ZWILCH: variants seen among roughly 807,000 people sequenced by gnomAD.
ZWILCH encodes the protein zwilch kinetochore protein.
In ZWILCH, 74 loss-of-function variants were observed where a neutral mutation model predicts 79.9. That is an observed-to-expected ratio of 0.93 (90% CI 0.77 to 1.12). The LOEUF is 1.12. Among genes scored for constraint, ZWILCH ranks in the 50% most tolerant of loss-of-function variants. The pLI, the probability that ZWILCH is intolerant of heterozygous loss-of-function variation, is 0.00. For synonymous variants in ZWILCH, 241 were observed against 228.2 expected (o/e 1.06, Z -0.51); for missense variants, 694 against 687.5 (o/e 1.01, Z -0.11).
At position 66,547,726 on chromosome 15, in the gene ZWILCH, C is replaced by A. The variant is rs569479821; in HGVS notation, c.*27-625C>A. 5 of 152,242 alleles carry A rather than the reference C, an allele frequency of 3.3e-5. No homozygotes were observed. In the South Asian group the frequency reaches 1.0e-3, roughly 32 times the overall value. The allele number at this position is 152,242 out of a possible 1,614,324, so 9.4% of individuals were successfully genotyped here. On this transcript the variant is annotated intron_variant, in intron 18 of 18. Transcript: ENST00000307897. ...GTGCTCATTTACTTGGTACCCACTT[C>A]ATGCTTTTCTGTGGTTGGCTAATAA...
chr15:66,508,970 TG>T, intron 2 of ZWILCH, 78 bp downstream of exon 2: 5 of 1,503,600 alleles, frequency 3.3e-6, no homozygotes, highest in Non-Finnish European at 4.5e-6. Context: ...GACGGAGTCA[TG>T]CTCTGTTACC....
intron 7 of ZWILCH, 53 bp downstream of exon 7, chr15:66,521,258 C>A: frequency 6.3e-7 from 1 of 1,587,556 alleles, no homozygotes; most frequent in Non-Finnish European, 8.5e-7. Context: ...TAAATGTTGG[C>A]TTACTTGGTT....
intron 2 of ZWILCH, among the ~76,000 whole-genome samples, chr15:66,512,677 G>A (rs1038206833): frequency 1.3e-5 from 2 of 152,094 alleles, no homozygotes; most frequent in Non-Finnish European, 2.9e-5. Context: ...GCATGATATC[G>A]GCTCACTGCA....
chr15:66,514,728 T>C (rs1397561067), intron 3 of ZWILCH, among the ~76,000 whole-genome samples: 1 of 152,208 alleles, frequency 6.6e-6, no homozygotes, highest in African/African-American at 2.4e-5. Flanking sequence ...CTTGTTGTTA[T>C]TATTGGCAAG....
At position 66,520,636 on chromosome 15, in the gene ZWILCH, CAAGAA is replaced by C. The variant is rs1894457279; in HGVS notation, c.572_576del (p.Lys191ThrfsTer15). The C allele has an allele frequency of 6.4e-7, 1 of 1,554,394 alleles. No homozygotes were observed. The highest frequency in any genetic ancestry group is 1.7e-5 in the Admixed American group (1 of 57,642). On this transcript the variant is annotated frameshift_variant, in exon 6 of 19. Transcript: ENST00000307897. LOFTEE classifies it high-confidence loss of function. ...ATCTTGAAAACCTAAAAAATTTACACAAGAAAAGACATCACTTGTCTACTGTAAGT... is the reference window on the plus strand; with the variant it reads ...ATCTTGAAAACCTAAAAAATTTACACAAGACATCACTTGTCTACTGTAAGT...
intron 14 of ZWILCH, among the ~76,000 whole-genome samples, chr15:66,535,103 G>A (rs77160384): frequency 0.018 from 2,707 of 151,164 alleles, 39 homozygotes; most frequent in South Asian, 0.056. Flanking sequence ...ACACACATTC[G>A]CCTAGGTTGG....
intron 18 of ZWILCH, chr15:66,546,917 C>A: frequency 4.6e-6 from 1 of 216,178 alleles, no homozygotes; most frequent in Non-Finnish European, 9.1e-6. Flanking sequence ...TCAATTTAAT[C>A]CTAAAACCAG....
chr15:66,511,118 T>C (rs1443910028), intron 2 of ZWILCH, among the ~76,000 whole-genome samples: 2 of 152,208 alleles, frequency 1.3e-5, no homozygotes, highest in Non-Finnish European at 2.9e-5. Flanking sequence ...TCTTCATGCT[T>C]TAATATCCAA....
At chr15:66,522,969 C>T (rs574015528) in intron 7 of ZWILCH, among the ~76,000 whole-genome samples, 1 of 152,108 alleles carries the variant, frequency 6.6e-6, no homozygotes, top group Non-Finnish European at 1.5e-5. Flanking sequence ...ATTACAGGGG[C>T]ATGCCACTAA....
chr15:66,538,419 A>C (rs1895081607), intron 16 of ZWILCH, among the ~76,000 whole-genome samples: 1 of 147,492 alleles, frequency 6.8e-6, no homozygotes, highest in Non-Finnish European at 1.5e-5. Context: ...TTTCGCTCTT[A>C]TTTCCCAGGC....
Position 66,517,417 on chromosome 15 carries a change from C to CGTGTGT in ZWILCH, c.321-1453_321-1448dup, listed in dbSNP as rs141565295. Among the ~76,000 whole-genome samples the CGTGTGT allele has an allele frequency of 5.2e-3, 420 of 80,498 alleles. 22 individuals are homozygous for CGTGTGT. Among genetic ancestry groups the CGTGTGT allele is most frequent in the African/African-American group, 9.8e-3 (185 of 18,974 alleles). 52.8% of individuals were successfully genotyped at this position (80,498 alleles called of 152,430 possible). On this transcript the variant is annotated intron_variant, in intron 4 of 18. Coordinates refer to ENST00000307897, the MANE Select transcript of ZWILCH (RefSeq NM_017975.5). ...CCTATAGATTTTGTGTTTGTGTGTG[C>CGTGTGT]GTGTGTGTGTGTGTATATATATATA...
At chr15:66,511,429 G>C (rs1341256414) in intron 2 of ZWILCH, among the ~76,000 whole-genome samples, 1 of 150,784 alleles carries the variant, frequency 6.6e-6, no homozygotes, top group African/African-American at 2.4e-5. Context: ...GGAGGTTAAG[G>C]CTACAGTGAG....
At chr15:66,506,591 G>C (rs965975592) in intron 1 of ZWILCH, among the ~76,000 whole-genome samples, 5 of 152,162 alleles carry the variant, frequency 3.3e-5, no homozygotes, top group African/African-American at 1.2e-4. Flanking sequence ...GGGAGGCAGA[G>C]GTTGCAGTGA....
rs1895380291 is a variant in ZWILCH, at chr15:66,546,638, T to C, written c.1735T>C (p.Phe579Leu). ...CGGTAGCCTGGAAGAAAGGATATTC[T>C]TTACTAACATGGTTACCTGCAGCCA... ...LNGSLEERIF[F>L]TNMVTCSQVH... Residue 579 changes from phenylalanine (F) to leucine (L), a missense_variant, in exon 18 of 19, where the codon TTT becomes CTT. Transcript: ENST00000307897. The C allele has an allele frequency of 3.1e-6, 5 of 1,609,420 alleles. No individual in the cohort carries two copies. Among genetic ancestry groups the C allele is most frequent in the African/African-American group, 1.3e-5 (1 of 74,852 alleles).
At chr15:66,540,778 G>C (rs895816000) in intron 17 of ZWILCH, among the ~76,000 whole-genome samples, 1 of 149,906 alleles carries the variant, frequency 6.7e-6, no homozygotes, top group Non-Finnish European at 1.5e-5. Flanking sequence ...ACAGGTACGT[G>C]CTACCACACC....
intron 15 of ZWILCH, among the ~76,000 whole-genome samples, chr15:66,536,870 CCT>C (rs1895032013): frequency 6.6e-6 from 1 of 151,760 alleles, no homozygotes; most frequent in African/African-American, 2.4e-5. Flanking sequence ...CTTTCTGTAA[CCT>C]CTTTCTCCCC....
chr15:66,533,730 GCA>G (rs61385253), intron 14 of ZWILCH, among the ~76,000 whole-genome samples: 4 of 149,784 alleles, frequency 2.7e-5, no homozygotes, highest in South Asian at 2.1e-4. Context: ...ACACACACGC[GCA>G]CACACACACA....
chr15:66,518,747 G>A, intron 4 of ZWILCH, 132 bp from the exon 5 acceptor site: 1 of 795,288 alleles, frequency 1.3e-6, no homozygotes, highest in South Asian at 1.7e-5. Context: ...GGAGGCCAAG[G>A]CTGTAGTGAG....
At chr15:66,536,664 A>G (rs1428842124) in intron 15 of ZWILCH, among the ~76,000 whole-genome samples, 1 of 151,408 alleles carries the variant, frequency 6.6e-6, no homozygotes, top group East Asian at 2.0e-4. Flanking sequence ...TACATTTTCC[A>G]AAATTACAAT....
Sources: gnomAD v4.1 joint callset for allele counts (sites outside exome capture counted in the v4.1 genomes callset) on GRCh38, gnomAD v4.1.1 for gene constraint, MANE v1.5 for transcripts, NCBI Gene and HGNC (gene_info 2026-07-23, HGNC 2026-07-21) for gene names.